Variants in IKZF2 observed in about 807,000 individuals in gnomAD.
IKZF2 encodes zinc finger protein Helios.
A neutral mutation model predicts 49.2 loss-of-function variants in IKZF2; 15 were observed. The ratio of observed to expected loss-of-function variants is 0.30; its 90% CI spans 0.20 to 0.47. The LOEUF is 0.47. Ranked by LOEUF, IKZF2 falls within the 20% of genes least tolerant of loss-of-function variation. The pLI, the probability that IKZF2 is intolerant of heterozygous loss-of-function variation, is 1.00. For synonymous variants in IKZF2, 227 were observed against 221.4 expected, an observed-to-expected ratio of 1.03 and a Z score of -0.23; for missense variants, 567 against 664.6, an observed-to-expected ratio of 0.85 and a Z score of 1.61.
intron 4 of IKZF2, among the ~76,000 whole-genome samples, chr2:213,078,442 T>C (rs1016708233): frequency 2.0e-5 from 3 of 152,190 alleles, no homozygotes; most frequent in Admixed American, 2.0e-4. Context: ...AACAGTTTAT[T>C]TAGTTCAGAG....
At chr2:213,011,171 G>A (rs1405780612) in intron 8 of IKZF2, among the ~76,000 whole-genome samples, 1 of 148,990 alleles carries the variant, frequency 6.7e-6, no homozygotes, top group Non-Finnish European at 1.5e-5. Flanking sequence ...CAGGTTGCAT[G>A]GACTTGGAAA....
chr2:213,001,629 A>G lies in IKZF2; in HGVS notation c.*5731T>C, dbSNP rs12996008. The G allele has an allele frequency of 0.45, 68,780 of 151,342 alleles. 18,075 individuals carry two copies. Among genetic ancestry groups the G allele is most frequent in the East Asian group, 0.67 (3,451 of 5,136 alleles). 9.4% of individuals were successfully genotyped at this position (151,342 alleles called of 1,614,324 possible). ...AACAAAAATCACGAAAAAAAAATTAAGATTAAATTACCAATGAACTAGAAA... is the reference window on the plus strand; with the variant it reads ...AACAAAAATCACGAAAAAAAAATTAGGATTAAATTACCAATGAACTAGAAA... On this transcript the variant is annotated 3_prime_UTR_variant, in exon 9 of 9. Coordinates refer to ENST00000434687, the MANE Select transcript of IKZF2 (RefSeq NM_001387220.1).
intron 6 of IKZF2, among the ~76,000 whole-genome samples, chr2:213,044,014 T>A (rs1032114644): frequency 1.3e-5 from 2 of 152,260 alleles, no homozygotes; most frequent in African/African-American, 4.8e-5. Flanking sequence ...AGCTAATTTT[T>A]ATTGGCTTTA....
chr2:213,121,762 A>C (rs1318556285), intron 4 of IKZF2, among the ~76,000 whole-genome samples: 1 of 152,216 alleles, frequency 6.6e-6, no homozygotes, highest in African/African-American at 2.4e-5. Flanking sequence ...ACAAAAAACT[A>C]AATAGAATAA....
intron 4 of IKZF2, among the ~76,000 whole-genome samples, chr2:213,116,602 G>A (rs1250742629): frequency 6.6e-6 from 1 of 152,100 alleles, no homozygotes. Context: ...TACAGGCAGG[G>A]TGGCCTGTGC....
intron 4 of IKZF2, among the ~76,000 whole-genome samples, chr2:213,063,149 T>C (rs13000308): frequency 6.6e-6 from 1 of 152,006 alleles, no homozygotes; most frequent in Non-Finnish European, 1.5e-5. Context: ...CAGACACTGG[T>C]GTCACTGAGC....
chr2:213,134,776 T>C (rs1042253590), intron 4 of IKZF2, among the ~76,000 whole-genome samples: 1 of 152,248 alleles, frequency 6.6e-6, no homozygotes, highest in Non-Finnish European at 1.5e-5. Flanking sequence ...GGCAGCTTCC[T>C]TGATTCACTT....
In IKZF2 at chr2:213,007,640, G is replaced by A. The variant is rs752461319; in HGVS notation, c.1301C>T (p.Pro434Leu). 1.9e-6 allele frequency: 3 copies of A among 1,613,694 alleles called. No individual in the cohort carries two copies. The highest frequency in any genetic ancestry group is 2.5e-6 in the Non-Finnish European group (3 of 1,179,730). Residue 434 changes from proline (P) to leucine (L), a missense_variant, in exon 9 of 9, where the codon CCA (proline) becomes CTA (leucine). By Grantham distance (98) the Pro-to-Leu change is moderately conservative. Around this residue, in one of 5 missense-constraint regions of IKZF2, gnomAD observed 310 missense variants for 326.9 expected, o/e 0.95. Transcript: ENST00000434687. ...TTTGACATCCTCCTTCATGTAAGCT[G>A]GGCTTTGTTTCCTCTTGGGATTTAA... is the stretch of plus-strand genomic sequence containing the variant. Reference protein sequence around the residue: ...PALNPKRKQSPAYMKEDVKAL... With the variant: ...PALNPKRKQSLAYMKEDVKAL...
chr2:213,117,163 T>C (rs1176141506), intron 4 of IKZF2, among the ~76,000 whole-genome samples: 1 of 152,054 alleles, frequency 6.6e-6, no homozygotes, highest in East Asian at 1.9e-4. Flanking sequence ...CTGACCCCAA[T>C]AAACAGACCA....
intron 7 of IKZF2, chr2:213,017,108 T>C (rs143169601): frequency 3.3e-5 from 5 of 152,304 alleles, no homozygotes; most frequent in African/African-American, 1.2e-4. Flanking sequence ...GTGCTGACAC[T>C]TGCTTTGGCT....
At chr2:213,065,893 G>A (rs1702116510) in intron 4 of IKZF2, among the ~76,000 whole-genome samples, 1 of 152,052 alleles carries the variant, frequency 6.6e-6, no homozygotes, top group Admixed American at 6.6e-5. Flanking sequence ...AATCTGATAT[G>A]TTTTTTACTC....
At chr2:213,077,913 T>C (rs760469727) in intron 4 of IKZF2, among the ~76,000 whole-genome samples, 29 of 152,150 alleles carry the variant, frequency 1.9e-4, no homozygotes, top group Non-Finnish European at 3.7e-4. Flanking sequence ...TTTTTTTTAA[T>C]CATGTTTACA....
chr2:213,027,758 TA>T lies in IKZF2; in HGVS notation c.575-5629del, dbSNP rs368844793. On this transcript the variant is annotated intron_variant, in intron 6 of 8. Coordinates refer to ENST00000434687, the MANE Select transcript of IKZF2 (RefSeq NM_001387220.1). ...GCTACTAACCTCCAAAGTTTCTTTT[TA>T]AAAGTATTATATAAATATAGCTTTA... Among the ~76,000 whole-genome samples, 1,049 of 152,290 alleles carry T rather than the reference TA, an allele frequency of 6.9e-3. 12 individuals are homozygous for T. Among genetic ancestry groups the T allele is most frequent in the South Asian group, 0.04 (192 of 4,826 alleles).
Position 213,002,888 on chromosome 2 carries a change from A to G in IKZF2, c.*4472T>C, listed in dbSNP as rs551036558. On this transcript the variant is annotated 3_prime_UTR_variant, in exon 9 of 9. Coordinates refer to ENST00000434687, the MANE Select transcript of IKZF2 (RefSeq NM_001387220.1). ...ATACAGAACTTATTCTTCCTTAAAA[A>G]CAAAACAAAAACACAAATTATAATT... 2.0e-5 allele frequency: 3 copies of G among 152,112 alleles called. No homozygotes were observed. Among genetic ancestry groups the G allele is most frequent in the East Asian group, 3.9e-4 (2 of 5,154 alleles). 9.4% of individuals were successfully genotyped at this position (152,112 alleles called of 1,614,324 possible).
Position 213,005,510 on chromosome 2 carries a change from G to T in IKZF2, c.*1850C>A, listed in dbSNP as rs1398528425. On this transcript the variant is annotated 3_prime_UTR_variant, in exon 9 of 9. Transcript: ENST00000434687. ...GGAAAATGAGTTAAGAGCAGTATTGGGGCCAAACTTGCTTATGTCCACAAT... is the reference window on the plus strand; with the variant it reads ...GGAAAATGAGTTAAGAGCAGTATTGTGGCCAAACTTGCTTATGTCCACAAT... 6.6e-6 allele frequency: 1 copy of T among 151,832 alleles called. No individual in the cohort carries two copies. Among genetic ancestry groups the T allele is most frequent in the African/African-American group, 2.4e-5 (1 of 41,368 alleles). 9.4% of individuals were successfully genotyped at this position (151,832 alleles called of 1,614,324 possible).
chr2:213,064,092 G>C (rs1701949032), intron 4 of IKZF2, among the ~76,000 whole-genome samples: 1 of 151,860 alleles, frequency 6.6e-6, no homozygotes, highest in Admixed American at 6.6e-5. Context: ...AGTTGCTGAA[G>C]AATCTGTCAA....
chr2:213,013,852 G>C lies in IKZF2; in HGVS notation c.795C>G (p.Val265=). Residue 265 remains valine (V), a synonymous_variant, in exon 8 of 9, where the codon GTC becomes GTG. Transcript: ENST00000434687. ...ISLVPFERPA[V]IEKLTGNMGK... ...CCATATTCCCCGTGAGCTTCTCTAT[G>C]ACAGCAGGTCTCTCAAAAGGCACCA... 6.2e-7 allele frequency: 1 copy of C among 1,612,006 alleles called. No homozygotes were observed. The highest frequency in any genetic ancestry group is 8.5e-7 in the Non-Finnish European group (1 of 1,178,536).
intron 4 of IKZF2, among the ~76,000 whole-genome samples, chr2:213,113,275 A>T (rs2059771522): frequency 6.6e-6 from 1 of 152,178 alleles, no homozygotes. Flanking sequence ...CTTAGTGGAG[A>T]TCTATAATGG....
chr2:213,073,042 G>A (rs542535739), intron 4 of IKZF2, among the ~76,000 whole-genome samples: 26 of 151,920 alleles, frequency 1.7e-4, no homozygotes, highest in African/African-American at 5.1e-4. Context: ...GTATTGTCTC[G>A]GATGCAAGAA....
Sources: gnomAD v4.1 joint callset for allele counts (sites outside exome capture counted in the v4.1 genomes callset) on GRCh38, gnomAD v4.1.1 for gene constraint, gnomAD v4.1.1 regional missense constraint, MANE v1.5 for transcripts, NCBI Gene and HGNC (gene_info 2026-07-23, HGNC 2026-07-21) for gene names.